BPIFA3: variants seen among roughly 807,000 people sequenced by gnomAD.
The protein encoded by BPIFA3 is BPI fold containing family A member 3, also known as BPI fold-containing family A member 3.
BPIFA3 carries 32 observed loss-of-function variants against 29.7 expected under a neutral mutation model. That is an observed-to-expected ratio of 1.08 (90% confidence interval 0.81 to 1.45). The LOEUF is 1.45. Among genes scored for constraint, BPIFA3 ranks in the 40% most tolerant of loss-of-function variants. The pLI is 0.00. For missense variants in BPIFA3, 323 were observed against 311.3 expected (o/e 1.04, Z -0.28); for synonymous variants, 112 against 113.7 (o/e 0.98, Z 0.10).
chr20:33,227,756 G>T lies in BPIFA3; in HGVS notation c.*139G>T. 2 of 685,954 alleles carry T rather than the reference G, an allele frequency of 2.9e-6. No individual in the cohort carries two copies. Among genetic ancestry groups the T allele is most frequent in the Non-Finnish European group, 5.0e-6 (2 of 402,704 alleles). 42.5% of individuals were successfully genotyped at this position (685,954 alleles called of 1,614,324 possible). A position where few individuals can be genotyped will look rare whatever the true frequency, so the allele number is the denominator to read the frequency against. On this transcript the variant is annotated 3_prime_UTR_variant, in exon 7 of 7. Transcript: ENST00000375454. ...CTACAATAAACTCTAGCTCTGAAGG[G>T]TGCACAGGTCCCTCCCACCTGGGCC...
At chr20:33,222,811 T>C (rs918834150) in intron 1 of BPIFA3, among the ~76,000 whole-genome samples, 2 of 152,238 alleles carry the variant, frequency 1.3e-5, no homozygotes, top group Non-Finnish European at 1.5e-5. Flanking sequence ...GTTCTGGGCA[T>C]ACCTATAGGT....
At chr20:33,217,698 G>A (rs371621778) in intron 1 of BPIFA3, 35 bp downstream of exon 1, 1,362 of 1,589,012 alleles carry the variant, frequency 8.6e-4, no homozygotes, top group Middle Eastern at 1.4e-3. Flanking sequence ...TGCTGCCTAC[G>A]GGGCTGGGGA....
intron 6 of BPIFA3, 98 bp downstream of exon 6, chr20:33,227,091 G>A (rs1985820578): frequency 5.8e-6 from 6 of 1,032,582 alleles, no homozygotes; most frequent in South Asian, 1.3e-5. Context: ...CCTGCTAAGG[G>A]GCGTCTGCAT....
rs747271153 is a variant in BPIFA3, at chr20:33,225,029, A to G, written c.387-69A>G. On this transcript the variant is annotated intron_variant, in intron 3 of 6. Coordinates refer to ENST00000375454, the MANE Select transcript of BPIFA3 (RefSeq NM_178466.5). ...CGGTGGACAGTGCCCGTCTTTGCCA[A>G]TACGGAGATTTCTACTCTTTCTCTA... is the stretch of plus-strand genomic sequence containing the variant. 244 of 1,481,440 alleles carry G rather than the reference A, an allele frequency of 1.6e-4. 2 individuals are homozygous for G. Among genetic ancestry groups the G allele is most frequent in the South Asian group, 1.4e-3 (120 of 85,870 alleles). The allele number at this position is 1,481,440 out of a possible 1,614,324, so 91.8% of individuals were successfully genotyped here.
At position 33,223,886 on chromosome 20, in the gene BPIFA3, C is replaced by T. The variant is rs1985646738; in HGVS notation, c.203C>T (p.Ala68Val). The T allele has an allele frequency of 6.2e-7, 1 of 1,614,202 alleles. No homozygotes were observed. Among genetic ancestry groups the T allele is most frequent in the Non-Finnish European group, 8.5e-7 (1 of 1,180,012 alleles). The change falls in exon 2 of 7, where the codon GCC becomes GTC. Residue 68 changes from alanine (A) to valine (V), a missense_variant. Transcript: ENST00000375454. ...ATCCACTTTGGGGACAGACTGAATG[C>T]CTCAGCACAAGTGGCCCCAGGGCTG... ...QNIHFGDRLN[A>V]SAQVAPGLVG...
chr20:33,221,028 A>G (rs143434138), intron 1 of BPIFA3, among the ~76,000 whole-genome samples: 226 of 152,306 alleles, frequency 1.5e-3, no homozygotes, highest in African/African-American at 5.1e-3. Context: ...GTTTCTCTGC[A>G]TCTAAAAGTT....
intron 2 of BPIFA3, 54 bp from the exon 3 acceptor site, chr20:33,224,301 T>G: frequency 7.0e-7 from 1 of 1,434,240 alleles, no homozygotes; most frequent in South Asian, 1.2e-5. Flanking sequence ...CAGGAAGCCT[T>G]ACCTGTTCTG....
intron 1 of BPIFA3, among the ~76,000 whole-genome samples, chr20:33,222,816 A>G (rs746346699): frequency 1.3e-5 from 2 of 152,206 alleles, no homozygotes; most frequent in Non-Finnish European, 2.9e-5. Flanking sequence ...GGGCATACCT[A>G]TAGGTTCACT....
At chr20:33,226,612 T>G (rs1985792527) in intron 5 of BPIFA3, 122 bp downstream of exon 5, 2 of 785,038 alleles carry the variant, frequency 2.5e-6, no homozygotes, top group Admixed American at 2.9e-5. Flanking sequence ...AAATCTCAAT[T>G]TAAAATTTCA....
rs554485545 is a variant in BPIFA3 at position 33,222,424 on chromosome 20, G to C, written c.128-1387G>C. 3.3e-5 allele frequency among the ~76,000 whole-genome samples: 5 copies of C among 152,334 alleles called. No homozygotes were observed. In the East Asian group the frequency reaches 7.7e-4, roughly 23 times the overall value. On this transcript the variant is annotated intron_variant, in intron 1 of 6. Coordinates refer to ENST00000375454, the MANE Select transcript of BPIFA3 (RefSeq NM_178466.5). ...AACCCAAAAGAGTCAGTGAGGGTGA[G>C]GCACACCTGATGGTTCAGATAATCA...
chr20:33,223,656 G>T, intron 1 of BPIFA3, 155 bp from the exon 2 acceptor site: 1 of 738,578 alleles, frequency 1.4e-6, no homozygotes, highest in Non-Finnish European at 2.1e-6. Flanking sequence ...TAATTTCATA[G>T]ATGAAGAAGG....
At chr20:33,220,097 TAAAA>T (rs879786771) in intron 1 of BPIFA3, among the ~76,000 whole-genome samples, 2 of 119,426 alleles carry the variant, frequency 1.7e-5, no homozygotes, top group Admixed American at 8.6e-5. Context: ...CCCTGTCTCT[TAAAA>T]AAAAAAAAAA....
At position 33,223,820 on chromosome 20, in the gene BPIFA3, A is replaced by T. The variant is rs139890063; in HGVS notation, c.137A>T (p.Gln46Leu). ...NKSTLARIIA[Q>L]GLIKHNAESR... ...CCTTGTGCATTTCCAGTTATTGCTC[A>T]GGGCCTCATAAAGCACAACGCAGAA... The change falls in exon 2 of 7, where the codon CAG (glutamine) becomes CTG (leucine). Residue 46 changes from glutamine to leucine, a missense_variant. Transcript: ENST00000375454. The T allele has an allele frequency of 6.2e-7, 1 of 1,613,464 alleles. No individual in the cohort carries two copies. The highest frequency in any genetic ancestry group is 8.5e-7 in the Non-Finnish European group (1 of 1,179,392).
At position 33,227,550 on chromosome 20, in the gene BPIFA3, C is replaced by T. The variant is rs374295673; in HGVS notation, c.698C>T (p.Ala233Val). 2 of 1,614,008 alleles carry T rather than the reference C, an allele frequency of 1.2e-6. No individual in the cohort carries two copies. Among genetic ancestry groups the T allele is most frequent in the Admixed American group, 1.7e-5 (1 of 60,018 alleles). ...CTTCTCCTTACAGAACAGGAGGCTG[C>T]TCATGAACCAACCCACCATGAAACC... ...LLKSLIEQEA[A>V]HEPTHHETSQ... The change falls in exon 7 of 7, where the codon GCT becomes GTT. Residue 233 changes from alanine to valine, a missense_variant. By Grantham distance (64) the Ala-to-Val change is moderately conservative (BLOSUM62 0). Transcript: ENST00000375454.
chr20:33,221,708 T>C (rs1985523400), intron 1 of BPIFA3, among the ~76,000 whole-genome samples: 1 of 152,242 alleles, frequency 6.6e-6, no homozygotes, highest in Non-Finnish European at 1.5e-5. Flanking sequence ...ATCATCATTT[T>C]TATTTGTTAA....
At chr20:33,226,560 A>ATGAGAAGCCTGAGGCTCGG in intron 5 of BPIFA3, 70 bp downstream of exon 5, 1 of 979,090 alleles carries the variant, frequency 1.0e-6, no homozygotes, top group Non-Finnish European at 1.6e-6. Flanking sequence ...ATCCACTGGC[A>ATGAGAAGCCTGAGGCTCGG]ATTTAGCAAA....
intron 4 of BPIFA3, 87 bp downstream of exon 4, chr20:33,225,334 T>C: frequency 1.3e-6 from 2 of 1,578,872 alleles, no homozygotes; most frequent in East Asian, 2.2e-5. Flanking sequence ...GTCTCCTAAA[T>C]TAGTCCAAAG....
chr20:33,221,420 G>T (rs965494100), intron 1 of BPIFA3, among the ~76,000 whole-genome samples: 18 of 152,164 alleles, frequency 1.2e-4, no homozygotes, highest in African/African-American at 4.3e-4. Context: ...GCCTCCCAAA[G>T]TGTTGGGATT....
chr20:33,219,464 C>T lies in BPIFA3; in HGVS notation c.127+1801C>T, dbSNP rs116735089. 5.3e-3 allele frequency among the ~76,000 whole-genome samples: 813 copies of T among 152,326 alleles called. 6 individuals carry two copies. The highest frequency in any genetic ancestry group is 0.034 in the Middle Eastern group (10 of 294). ...GTGTTTGGAAAGTCTTAAGACCTTG[C>T]TCCTACCTCAGACATATTCTACTTT... is the stretch of plus-strand genomic sequence containing the variant. On this transcript the variant is annotated intron_variant, in intron 1 of 6. Coordinates refer to ENST00000375454, the MANE Select transcript of BPIFA3 (RefSeq NM_178466.5).
Sources: allele counts gnomAD v4.1 joint callset (sites outside exome capture counted in the v4.1 genomes callset), GRCh38; gene constraint gnomAD v4.1.1; transcripts MANE v1.5; gene names NCBI Gene and HGNC (gene_info 2026-07-23, HGNC 2026-07-21).